The following TASP1 variants were observed in gnomAD, a reference collection of about 807,000 sequenced individuals.
The protein encoded by TASP1 is taspase 1, also known as threonine aspartase 1.
In TASP1, 16 loss-of-function variants were observed where a neutral mutation model predicts 56.6. The observed-to-expected ratio is 0.28, with a 90% CI of 0.19 to 0.43. TASP1 has a LOEUF of 0.43. Ranked by LOEUF, TASP1 falls within the 20% of genes least tolerant of loss-of-function variation. TASP1 has a pLI of 1.00. For synonymous variants in TASP1, 179 were observed against 184.2 expected (o/e 0.97, Z 0.23); for missense variants, 393 against 511.6 (o/e 0.77, Z 2.24).
the TASP1 span, among the ~76,000 whole-genome samples, chr20:13,176,269 C>T: frequency 6.6e-6 from 1 of 152,184 alleles, no homozygotes; most frequent in Non-Finnish European, 1.5e-5. Context: ...GTGGTTAAGA[C>T]TTCCAGAACT....
chr20:13,336,426 G>A, the TASP1 span, among the ~76,000 whole-genome samples: 19 of 152,074 alleles, frequency 1.2e-4, no homozygotes, highest in Non-Finnish European at 2.2e-4. Flanking sequence ...CTCCCCTAAC[G>A]CCACCCAGAG....
rs548607853 is a variant in TASP1 at position 13,458,112 on chromosome 20, GT to G, written c.986-22959del. Among the ~76,000 whole-genome samples, 7 of 152,254 alleles carry G rather than the reference GT, an allele frequency of 4.6e-5. No individual in the cohort carries two copies. The South Asian group carries it at 6.2e-4, about 14-fold the overall frequency. On this transcript the variant is annotated intron_variant, in intron 11 of 13. Transcript: ENST00000337743. ...AGTACAAAATATAGTCAAGACAGTA[GT>G]GGTACACAAAACCTCAATCTAGTGT...
chr20:13,437,118 T>C (rs929062526), intron 11 of TASP1, among the ~76,000 whole-genome samples: 1 of 152,072 alleles, frequency 6.6e-6, no homozygotes, highest in African/African-American at 2.4e-5. Flanking sequence ...AATAAAATAC[T>C]GGCAAACCGA....
the TASP1 span, among the ~76,000 whole-genome samples, chr20:13,204,547 G>A: frequency 4.7e-3 from 623 of 133,726 alleles, 6 homozygotes; most frequent in African/African-American, 0.017. Context: ...ATATATATAT[G>A]TATATTTTTT....
At chr20:13,315,900 G>A in the TASP1 span, among the ~76,000 whole-genome samples, 1 of 151,726 alleles carries the variant, frequency 6.6e-6, no homozygotes, top group Non-Finnish European at 1.5e-5. Flanking sequence ...ATAACACATG[G>A]GTCAAAGAAA....
chr20:13,569,430 T>C lies in TASP1; in HGVS notation c.568+77A>G, dbSNP rs1452881259. On this transcript the variant is annotated intron_variant, in intron 7 of 13. Transcript: ENST00000337743. ...TTCTTCCATAAATATCTGTACTACA[T>C]GGGTCATAACAGAAGCAATATTATA... The C allele has an allele frequency of 4.5e-6, 5 of 1,104,162 alleles. No homozygotes were observed. The Admixed American group carries it at 9.6e-5, about 21-fold the overall frequency. The allele number at this position is 1,104,162 out of a possible 1,614,324, so 68.4% of individuals were successfully genotyped here.
At chr20:13,267,759 T>G in the TASP1 span, among the ~76,000 whole-genome samples, 1 of 152,210 alleles carries the variant, frequency 6.6e-6, no homozygotes, top group Non-Finnish European at 1.5e-5. Context: ...AAAATGTAAG[T>G]GTTCATAGTA....
At chr20:13,325,788 C>T in the TASP1 span, among the ~76,000 whole-genome samples, 1 of 152,164 alleles carries the variant, frequency 6.6e-6, no homozygotes. Flanking sequence ...AGAACTGACT[C>T]TTAACAGAAA....
At chr20:13,205,936 G>A in the TASP1 span, among the ~76,000 whole-genome samples, 4 of 152,202 alleles carry the variant, frequency 2.6e-5, no homozygotes, top group Admixed American at 2.6e-4. Context: ...GGAAATCAGA[G>A]TATTTACCCT....
At chr20:13,154,288 A>G in the TASP1 span, 1 of 931,738 alleles carries the variant, frequency 1.1e-6, no homozygotes, top group South Asian at 1.7e-5. Flanking sequence ...CTGTCACTCT[A>G]TCAGCTAGAC....
intron 4 of TASP1, chr20:13,614,813 T>G (rs1030670188): frequency 2.1e-6 from 1 of 470,152 alleles, no homozygotes; most frequent in African/African-American, 2.0e-5. Context: ...AGTTGGATTC[T>G]TTATGATGTC....
chr20:13,433,177 C>T (rs149208507), intron 12 of TASP1, among the ~76,000 whole-genome samples: 5 of 152,138 alleles, frequency 3.3e-5, no homozygotes, highest in African/African-American at 4.8e-5. Context: ...CTCTCTGTGT[C>T]GATGTGTTCT....
At chr20:13,326,654 C>T in the TASP1 span, among the ~76,000 whole-genome samples, 3 of 152,246 alleles carry the variant, frequency 2.0e-5, no homozygotes, top group East Asian at 3.9e-4. Flanking sequence ...TTTCATAAAT[C>T]CTTTTTGATG....
chr20:13,486,037 T>C (rs1226179460), intron 10 of TASP1, among the ~76,000 whole-genome samples: 1 of 152,172 alleles, frequency 6.6e-6, no homozygotes, highest in Non-Finnish European at 1.5e-5. Context: ...AAGAAACTTT[T>C]AAAATTATGA....
the TASP1 span, among the ~76,000 whole-genome samples, chr20:13,135,242 T>C: frequency 2.6e-5 from 4 of 152,200 alleles, no homozygotes; most frequent in Non-Finnish European, 4.4e-5. Context: ...AAATCCACAA[T>C]GGGCAACACT....
chr20:13,305,199 TAA>T, the TASP1 span, among the ~76,000 whole-genome samples: 3,755 of 137,436 alleles, frequency 0.027, 125 homozygotes, highest in African/African-American at 0.077. Context: ...GTTGAGTTGT[TAA>T]AAAAAAAAAA....
chr20:13,228,316 TA>T, the TASP1 span, among the ~76,000 whole-genome samples: 3 of 152,156 alleles, frequency 2.0e-5, no homozygotes, highest in African/African-American at 7.2e-5. Flanking sequence ...TTTATTTTGC[TA>T]GAACACAGTT....
At chr20:13,394,399 A>C (rs1313049006) in intron 13 of TASP1, among the ~76,000 whole-genome samples, 1 of 151,400 alleles carries the variant, frequency 6.6e-6, no homozygotes, top group Non-Finnish European at 1.5e-5. Context: ...TCACGAGGTC[A>C]GGAGTTTGAG....
chr20:13,400,829 G>A (rs183628417), intron 13 of TASP1, among the ~76,000 whole-genome samples: 199 of 152,234 alleles, frequency 1.3e-3, no homozygotes, highest in African/African-American at 4.6e-3. Context: ...GAACATAAAA[G>A]TCATACATTG....
Sources: allele counts gnomAD v4.1 joint callset (sites outside exome capture counted in the v4.1 genomes callset), GRCh38; gene constraint gnomAD v4.1.1; transcripts MANE v1.5; gene names NCBI Gene and HGNC (gene_info 2026-07-23, HGNC 2026-07-21).